CSPP1: variants seen among roughly 807,000 people sequenced by gnomAD.
CSPP1 encodes centrosome and spindle pole-associated protein 1.
CSPP1 carries 126 observed loss-of-function variants against 164.4 expected under a neutral mutation model. That is an observed-to-expected ratio of 0.77 (90% CI 0.66 to 0.89). The LOEUF is 0.89. Among genes scored for constraint, CSPP1 ranks in the 40% least tolerant of loss-of-function variants. CSPP1 has a pLI of 0.00. For synonymous variants in CSPP1, 472 were observed against 476.7 expected (o/e 0.99, Z 0.13); for missense variants, 1,395 against 1,449.8 (o/e 0.96, Z 0.61).
rs778144204 is a variant in CSPP1, at chr8:67,163,764, G to A, written c.2676G>A (p.Pro892=). The change falls in exon 23 of 31, where the codon CCG becomes CCA. Residue 892 remains proline, a synonymous_variant. Coordinates refer to ENST00000678616, the MANE Select transcript of CSPP1 (RefSeq NM_001382391.1). ...CCATGTCCAGGGCACAGTCACCCCCGGTACCTGCCAGGAAAAATCAGCTCC... is the reference window on the plus strand; with the variant it reads ...CCATGTCCAGGGCACAGTCACCCCCAGTACCTGCCAGGAAAAATCAGCTCC... ...ESSMSRAQSP[P]VPARKNQLRA... 9.9e-6 allele frequency: 16 copies of A among 1,613,456 alleles called. No homozygotes were observed. The highest frequency in any genetic ancestry group is 3.3e-5 in the South Asian group (3 of 91,022).
intron 17 of CSPP1, among the ~76,000 whole-genome samples, chr8:67,138,164 C>A (rs1361281682): frequency 6.6e-6 from 1 of 152,166 alleles, no homozygotes; most frequent in Non-Finnish European, 1.5e-5. Context: ...AGTAATCACA[C>A]AACAAATACT....
At chr8:67,172,785 G>A (rs748351946) in intron 25 of CSPP1, 10 of 416,292 alleles carry the variant, frequency 2.4e-5, no homozygotes, top group Non-Finnish European at 3.9e-5. Context: ...CAGTGTTAAA[G>A]TCTGGAATGG....
Position 67,068,768 on chromosome 8 carries a change from A to G in CSPP1, c.-11+4230A>G, listed in dbSNP as rs547513203. On this transcript the variant is annotated intron_variant, in intron 1 of 30. Coordinates refer to ENST00000678616, the MANE Select transcript of CSPP1 (RefSeq NM_001382391.1). Reference sequence around the variant, plus strand: ...TTTTCTGTTGAAGATAAACTATTGTACAGAATGTCAACATCAGATAAGGCC... The same window carrying G: ...TTTTCTGTTGAAGATAAACTATTGTGCAGAATGTCAACATCAGATAAGGCC... Among the ~76,000 whole-genome samples, 14 of 152,358 alleles carry G rather than the reference A, an allele frequency of 9.2e-5. No individual in the cohort carries two copies. In the South Asian group the frequency reaches 1.7e-3, roughly 18 times the overall value.
At chr8:67,153,476 A>G (rs1379585746) in intron 18 of CSPP1, among the ~76,000 whole-genome samples, 2 of 152,160 alleles carry the variant, frequency 1.3e-5, no homozygotes, top group Non-Finnish European at 2.9e-5. Flanking sequence ...TTTTAAAAAT[A>G]AAAACGATTA....
intron 7 of CSPP1, among the ~76,000 whole-genome samples, 187 bp from the exon 8 acceptor site, chr8:67,102,850 C>A (rs1192386107): frequency 3.9e-5 from 6 of 152,142 alleles, no homozygotes; most frequent in Non-Finnish European, 8.8e-5. Context: ...TACGTTTAAA[C>A]TCTTAGTGTC....
chr8:67,071,731 G>A (rs1056452694), intron 1 of CSPP1, among the ~76,000 whole-genome samples: 3 of 152,024 alleles, frequency 2.0e-5, no homozygotes, highest in East Asian at 1.9e-4. Context: ...TTTTGTCTAC[G>A]TACCCAATTA....
intron 28 of CSPP1, among the ~76,000 whole-genome samples, chr8:67,186,609 CCTG>C (rs1834683796): frequency 6.6e-6 from 1 of 152,126 alleles, no homozygotes; most frequent in Non-Finnish European, 1.5e-5. Flanking sequence ...TAGAAGCTTT[CCTG>C]CTAAGATCAG....
At chr8:67,093,510 A>G in intron 5 of CSPP1, 33 bp from the exon 6 acceptor site, 1 of 1,411,166 alleles carries the variant, frequency 7.1e-7, no homozygotes, top group South Asian at 1.2e-5. Context: ...CTGAAGTTGA[A>G]TTTTAACATT....
At chr8:67,140,051 A>G (rs1823184974) in intron 17 of CSPP1, among the ~76,000 whole-genome samples, 1 of 151,920 alleles carries the variant, frequency 6.6e-6, no homozygotes, top group Non-Finnish European at 1.5e-5. Flanking sequence ...TTTTTTGAAG[A>G]TATATTTGAG....
At chr8:67,064,829 TG>T (rs939610668) in intron 1 of CSPP1, 2 of 106,724 alleles carry the variant, frequency 1.9e-5, no homozygotes, top group East Asian at 5.3e-4. Context: ...TTATGAGGGT[TG>T]GGGGCGGGAG....
At chr8:67,099,312 A>G (rs1813537363) in intron 7 of CSPP1, 1 of 152,124 alleles carries the variant, frequency 6.6e-6, no homozygotes, top group African/African-American at 2.4e-5. Flanking sequence ...TTCTATGGCT[A>G]TACCACCCTG....
At chr8:67,192,203 T>C (rs1343003990) in intron 29 of CSPP1, among the ~76,000 whole-genome samples, 2 of 151,892 alleles carry the variant, frequency 1.3e-5, no homozygotes, top group East Asian at 1.9e-4. Context: ...GCCTCCCAAG[T>C]AGCTGGGATT....
intron 21 of CSPP1, among the ~76,000 whole-genome samples, chr8:67,159,372 T>TAGGG (rs1252750280): frequency 1.3e-5 from 2 of 152,072 alleles, no homozygotes; most frequent in Admixed American, 6.6e-5. Context: ...GAGCCATTCT[T>TAGGG]AGTCTCATTC....
intron 24 of CSPP1, among the ~76,000 whole-genome samples, chr8:67,168,663 G>T (rs1014242651): frequency 1.3e-5 from 2 of 152,130 alleles, no homozygotes; most frequent in Non-Finnish European, 2.9e-5. Context: ...TACATATTCT[G>T]ATTAAAGACA....
chr8:67,102,947 T>C, intron 7 of CSPP1, 90 bp from the exon 8 acceptor site: 1 of 668,006 alleles, frequency 1.5e-6, no homozygotes, highest in Non-Finnish European at 2.6e-6. Context: ...TTCCTTTTAA[T>C]GTTGCCAACA....
At chr8:67,065,449 G>T in intron 1 of CSPP1, 1 of 707,058 alleles carries the variant, frequency 1.4e-6, no homozygotes. Flanking sequence ...AAAAGCAACC[G>T]ATAGGAATTT....
chr8:67,178,212 T>C (rs1255674338), intron 27 of CSPP1, among the ~76,000 whole-genome samples: 1 of 152,180 alleles, frequency 6.6e-6, no homozygotes, highest in East Asian at 1.9e-4. Flanking sequence ...TTGCTGTCAT[T>C]ACCATGAGCA....
rs1196363489 is a variant in CSPP1 at position 67,195,448 on chromosome 8, CTG to C, written c.3538_3539del (p.Val1180SerfsTer3). On this transcript the variant is annotated frameshift_variant, in exon 31 of 31. Coordinates refer to ENST00000678616, the MANE Select transcript of CSPP1 (RefSeq NM_001382391.1). LOFTEE classifies it high-confidence loss of function. ...CACATAGGGGATGACGGATCAAACT[CTG>C]TAGCAACTGAGCCCTGGCTCCGCCC... The C allele has an allele frequency of 6.2e-7, 1 of 1,614,188 alleles. No homozygotes were observed. The highest frequency in any genetic ancestry group is 8.5e-7 in the Non-Finnish European group (1 of 1,180,012).
rs1423858818 is a variant in CSPP1 at position 67,115,980 on chromosome 8, C to G, written c.1354C>G (p.Pro452Ala). The G allele has an allele frequency of 6.2e-7, 1 of 1,613,942 alleles. No homozygotes were observed. Among genetic ancestry groups the G allele is most frequent in the Non-Finnish European group, 8.5e-7 (1 of 1,179,920 alleles). ...TGAAGAGATGATACCACCTGAAAGACCCAGAATAGCTTTCCAGACACCTCT... is the reference window on the plus strand; with the variant it reads ...TGAAGAGATGATACCACCTGAAAGAGCCAGAATAGCTTTCCAGACACCTCT... Reference protein sequence around the residue: ...HFEEMIPPERPRIAFQTPLPP... With the variant: ...HFEEMIPPERARIAFQTPLPP... The change falls in exon 13 of 31, where the codon CCC becomes GCC. Residue 452 changes from proline (P) to alanine (A), a missense_variant. Physicochemically the swap from Pro to Ala is conservative, Grantham distance 27. Coordinates refer to ENST00000678616, the MANE Select transcript of CSPP1 (RefSeq NM_001382391.1).
Sources: allele counts gnomAD v4.1 joint callset (sites outside exome capture counted in the v4.1 genomes callset), GRCh38; gene constraint gnomAD v4.1.1; transcripts MANE v1.5; gene names NCBI Gene and HGNC (gene_info 2026-07-23, HGNC 2026-07-21).